Variants in AKAP6 observed in about 807,000 individuals in gnomAD.
AKAP6 encodes A-kinase anchor protein 6.
AKAP6 carries 58 observed loss-of-function variants against 188.5 expected under a neutral mutation model. The ratio of observed to expected loss-of-function variants is 0.31; its 90% CI spans 0.25 to 0.38. The LOEUF (loss-of-function observed/expected upper bound fraction) is 0.38, where lower values mean the gene tolerates loss of function less well. Ranked by LOEUF, AKAP6 falls within the 10% of genes least tolerant of loss-of-function variation. The probability of loss-of-function intolerance (pLI) is 1.00; values close to 1 mark genes in which losing one functional copy is unlikely to be tolerated. For missense variants in AKAP6, 2,710 were observed against 2,740.0 expected, an observed-to-expected ratio of 0.99 and a Z score of 0.24; for synonymous variants, 989 against 998.6, an observed-to-expected ratio of 0.99 and a Z score of 0.18.
intron 9 of AKAP6, among the ~76,000 whole-genome samples, chr14:32,725,159 T>C (rs1489133556): frequency 6.6e-6 from 1 of 152,174 alleles, no homozygotes; most frequent in South Asian, 2.1e-4. Context: ...TTTCCCCTTT[T>C]ACTAGCTTTC....
At chr14:32,423,349 T>TG (rs1555327372) in intron 1 of AKAP6, among the ~76,000 whole-genome samples, 1 of 151,698 alleles carries the variant, frequency 6.6e-6, no homozygotes, top group African/African-American at 2.4e-5. Flanking sequence ...TTTTGTATTT[T>TG]TGTGTGTGTG....
At chr14:32,335,846 T>C (rs1395731455) in intron 1 of AKAP6, among the ~76,000 whole-genome samples, 1 of 68,828 alleles carries the variant, frequency 1.5e-5, no homozygotes, top group African/African-American at 8.1e-5. Flanking sequence ...TTTCTCCTTT[T>C]TTTTTTTTTT....
chr14:32,401,369 A>G (rs1379948687), intron 1 of AKAP6, among the ~76,000 whole-genome samples: 1 of 152,046 alleles, frequency 6.6e-6, no homozygotes, highest in African/African-American at 2.4e-5. Flanking sequence ...ATTACCTGCC[A>G]CCCCCAGCTA....
chr14:32,492,446 A>G (rs1004023107), intron 2 of AKAP6, among the ~76,000 whole-genome samples: 5 of 150,972 alleles, frequency 3.3e-5, no homozygotes, highest in African/African-American at 1.2e-4. Flanking sequence ...TGGCAGATTT[A>G]TGGAAAATTA....
At chr14:32,489,649 C>T (rs1879894996) in intron 2 of AKAP6, among the ~76,000 whole-genome samples, 1 of 152,152 alleles carries the variant, frequency 6.6e-6, no homozygotes, top group Non-Finnish European at 1.5e-5. Flanking sequence ...AAAATAGAAA[C>T]TCTTGATCAG....
At chr14:32,744,166 T>C (rs2031793173) in intron 11 of AKAP6, among the ~76,000 whole-genome samples, 1 of 152,138 alleles carries the variant, frequency 6.6e-6, no homozygotes, top group South Asian at 2.1e-4. Flanking sequence ...TGGAGCTCCA[T>C]TGTATGTTAT....
At chr14:32,522,176 CA>C (rs201777203) in intron 2 of AKAP6, among the ~76,000 whole-genome samples, 9,981 of 152,242 alleles carry the variant, frequency 0.066, 397 homozygotes, top group Admixed American at 0.11. Context: ...ACACCTTATA[CA>C]AAAATTAATT....
At chr14:32,523,459 C>CCT (rs971722503) in intron 2 of AKAP6, among the ~76,000 whole-genome samples, 1 of 150,334 alleles carries the variant, frequency 6.7e-6, no homozygotes, top group African/African-American at 2.5e-5. Context: ...AAGTTGAATA[C>CCT]CTCTCTCTCT....
chr14:32,390,304 C>T (rs1280786172), intron 1 of AKAP6, among the ~76,000 whole-genome samples: 1 of 152,138 alleles, frequency 6.6e-6, no homozygotes, highest in Non-Finnish European at 1.5e-5. Context: ...TCTCTGGCAC[C>T]TCCCTGATTA....
chr14:32,489,148 A>G (rs1325052003), intron 2 of AKAP6, among the ~76,000 whole-genome samples: 1 of 152,172 alleles, frequency 6.6e-6, no homozygotes, highest in Non-Finnish European at 1.5e-5. Flanking sequence ...AGAACATAGT[A>G]TATTTTACTA....
At chr14:32,768,258 A>G (rs2032779108) in intron 11 of AKAP6, among the ~76,000 whole-genome samples, 1 of 152,164 alleles carries the variant, frequency 6.6e-6, no homozygotes, top group Admixed American at 6.5e-5. Context: ...AGGCATTAAC[A>G]TTATCTGTAC....
At chr14:32,389,609 A>T (rs1432309325) in intron 1 of AKAP6, among the ~76,000 whole-genome samples, 3 of 152,034 alleles carry the variant, frequency 2.0e-5, no homozygotes, top group Non-Finnish European at 2.9e-5. Flanking sequence ...TATGAAGCTT[A>T]GTTTCATTGG....
intron 2 of AKAP6, among the ~76,000 whole-genome samples, chr14:32,448,603 G>A (rs771435672): frequency 2.0e-4 from 31 of 152,302 alleles, no homozygotes; most frequent in Middle Eastern, 3.4e-3. Flanking sequence ...ATCCTAAAGT[G>A]TGTGTTAACC....
chr14:32,451,493 C>T (rs111460599), intron 2 of AKAP6, among the ~76,000 whole-genome samples: 2 of 152,060 alleles, frequency 1.3e-5, no homozygotes, highest in Non-Finnish European at 2.9e-5. Context: ...ATAGTTATGC[C>T]AAAGTACAGA....
chr14:32,749,639 A>G (rs1429949889), intron 11 of AKAP6, among the ~76,000 whole-genome samples: 1 of 152,226 alleles, frequency 6.6e-6, no homozygotes, highest in South Asian at 2.1e-4. Context: ...AAATTAACAG[A>G]GACTTGTTTG....
chr14:32,586,418 A>G (rs1396390063), intron 5 of AKAP6, among the ~76,000 whole-genome samples: 1 of 152,202 alleles, frequency 6.6e-6, no homozygotes, highest in Non-Finnish European at 1.5e-5. Context: ...ACTTGAGTCC[A>G]GGAGTTTGAG....
chr14:32,606,495 T>G (rs1886131051), intron 7 of AKAP6, among the ~76,000 whole-genome samples: 1 of 152,220 alleles, frequency 6.6e-6, no homozygotes, highest in South Asian at 2.1e-4. Flanking sequence ...TTTCCCCCTA[T>G]GACTTATCCA....
At chr14:32,722,650 G>A (rs189420812) in intron 9 of AKAP6, among the ~76,000 whole-genome samples, 13 of 152,226 alleles carry the variant, frequency 8.5e-5, no homozygotes, top group East Asian at 1.9e-4. Context: ...AGAGGAGTTC[G>A]GCTGGCTGGG....
chr14:32,390,692 T>C (rs1483063742), intron 1 of AKAP6, among the ~76,000 whole-genome samples: 1 of 152,146 alleles, frequency 6.6e-6, no homozygotes, highest in African/African-American at 2.4e-5. Context: ...CAGAGTCCTG[T>C]GATGTGAACC....
Sources: allele counts gnomAD v4.1 joint callset (sites outside exome capture counted in the v4.1 genomes callset), GRCh38; gene constraint gnomAD v4.1.1; transcripts MANE v1.5; gene names NCBI Gene and HGNC (gene_info 2026-07-23, HGNC 2026-07-21).